Variants in SSH1 observed in about 807,000 individuals in gnomAD.
SSH1 encodes the protein slingshot protein phosphatase 1, also known as protein phosphatase Slingshot homolog 1.
Under a neutral mutation model 79.7 loss-of-function variants are expected in SSH1, and 43 were observed. That is an observed-to-expected ratio of 0.54 (90% CI 0.42 to 0.70). The LOEUF (loss-of-function observed/expected upper bound fraction) is 0.70. Ranked by LOEUF, SSH1 falls within the 30% of genes least tolerant of loss-of-function variation. The probability of loss-of-function intolerance (pLI) is 0.00; values close to 1 mark genes in which losing one functional copy is unlikely to be tolerated. For missense variants in SSH1, 1,206 were observed against 1,358.8 expected, an observed-to-expected ratio of 0.89 and a Z score of 1.77; for synonymous variants, 599 against 538.3, an observed-to-expected ratio of 1.11 and a Z score of -1.56.
At position 108,786,057 on chromosome 12, in the gene SSH1, A is replaced by C. The variant is rs569989289; in HGVS notation, c.*1931T>G. ...AGTCCTGGAGGGAGGATTTTTGCAAAAACTGTGCTCACTAGGTAAAATATG... is the reference window on the plus strand; with the variant it reads ...AGTCCTGGAGGGAGGATTTTTGCAACAACTGTGCTCACTAGGTAAAATATG... On this transcript the variant is annotated 3_prime_UTR_variant, in exon 15 of 15. Transcript: ENST00000326495. The C allele has an allele frequency of 2.0e-5, 3 of 152,290 alleles. No homozygotes were observed. In the South Asian group the frequency reaches 6.2e-4, roughly 32 times the overall value. The allele number at this position is 152,290 out of a possible 1,614,324, so 9.4% of individuals were successfully genotyped here.
chr12:108,795,228 A>C (rs932218819), intron 13 of SSH1, among the ~76,000 whole-genome samples: 12 of 152,048 alleles, frequency 7.9e-5, no homozygotes, highest in Non-Finnish European at 5.9e-5. Context: ...TGCAAACCTC[A>C]CAGCAGCTCT....
Position 108,817,124 on chromosome 12 carries a change from G to A in SSH1, c.315C>T (p.Val105=). ...VRLESAWADR[V]RYMVVVYSSG... is the part of the protein sequence containing the mutation. ...TGCTGTACACCACCACCATGTACCG[G>A]ACCCGGTCCGCCCAGGCGCTCTCCA... Residue 105 remains valine (V), a synonymous_variant, in exon 5 of 15, where the codon GTC becomes GTT. Coordinates refer to ENST00000326495, the MANE Select transcript of SSH1 (RefSeq NM_018984.4). 6.2e-7 allele frequency: 1 copy of A among 1,614,142 alleles called. No homozygotes were observed. Among genetic ancestry groups the A allele is most frequent in the Non-Finnish European group, 8.5e-7 (1 of 1,180,026 alleles).
chr12:108,841,938 G>A (rs2038789071), intron 2 of SSH1, among the ~76,000 whole-genome samples: 1 of 152,094 alleles, frequency 6.6e-6, no homozygotes, highest in South Asian at 2.1e-4. Context: ...GAGTCCAGGA[G>A]TTCAAGATCA....
intron 13 of SSH1, among the ~76,000 whole-genome samples, chr12:108,793,093 C>T (rs540947717): frequency 2.6e-5 from 4 of 152,142 alleles, no homozygotes; most frequent in African/African-American, 9.7e-5. Flanking sequence ...GGAAGGAACG[C>T]GGGGGCGTCT....
At chr12:108,852,387 C>G (rs2039059962) in intron 2 of SSH1, among the ~76,000 whole-genome samples, 1 of 151,836 alleles carries the variant, frequency 6.6e-6, no homozygotes, top group African/African-American at 2.4e-5. Context: ...CACTACCACG[C>G]CCGGTTAATT....
intron 2 of SSH1, chr12:108,827,493 C>T: frequency 7.7e-7 from 1 of 1,295,748 alleles, no homozygotes; most frequent in Non-Finnish European, 9.8e-7. Context: ...AGAGTCCTAC[C>T]CGAAAAGCAA....
chr12:108,831,571 C>T (rs1170732593), intron 2 of SSH1, among the ~76,000 whole-genome samples: 1 of 152,006 alleles, frequency 6.6e-6, no homozygotes, highest in Non-Finnish European at 1.5e-5. Flanking sequence ...GCAAGTTCCA[C>T]GGTGGAAGGA....
chr12:108,801,288 A>T (rs2036990953), intron 11 of SSH1, among the ~76,000 whole-genome samples: 1 of 152,230 alleles, frequency 6.6e-6, no homozygotes, highest in Non-Finnish European at 1.5e-5. Flanking sequence ...CTTCACTCTT[A>T]AAGAGCTAAA....
chr12:108,793,627 C>T (rs2036609692), intron 13 of SSH1, among the ~76,000 whole-genome samples: 1 of 152,028 alleles, frequency 6.6e-6, no homozygotes, highest in African/African-American at 2.4e-5. Context: ...TACTCCTGGT[C>T]TCAAGCGATC....
At chr12:108,804,554 C>T (rs143028316) in intron 10 of SSH1, among the ~76,000 whole-genome samples, 15 of 152,192 alleles carry the variant, frequency 9.9e-5, no homozygotes, top group African/African-American at 3.1e-4. Context: ...GCCCTGGAGC[C>T]GTGCATGGAA....
intron 5 of SSH1, among the ~76,000 whole-genome samples, chr12:108,814,887 G>A (rs903378297): frequency 2.0e-5 from 3 of 152,206 alleles, no homozygotes; most frequent in Non-Finnish European, 2.9e-5. Flanking sequence ...GAGCGCACGG[G>A]CCAGTCTCCT....
intron 2 of SSH1, among the ~76,000 whole-genome samples, chr12:108,840,492 C>T (rs2375017): frequency 4.6e-5 from 7 of 151,714 alleles, no homozygotes; most frequent in African/African-American, 7.3e-5. Context: ...GAGATCGTGC[C>T]ACTGCACTCT....
intron 5 of SSH1, among the ~76,000 whole-genome samples, chr12:108,815,688 C>T (rs2037851631): frequency 6.6e-6 from 1 of 152,206 alleles, no homozygotes; most frequent in South Asian, 2.1e-4. Context: ...AGTGGCTCTT[C>T]AGAGCTCACA....
chr12:108,847,926 G>A lies in SSH1; in HGVS notation c.110+4712C>T, dbSNP rs542820790. Among the ~76,000 whole-genome samples the A allele has an allele frequency of 2.0e-5, 3 of 152,326 alleles. No individual in the cohort carries two copies. In the East Asian group the frequency reaches 5.8e-4, roughly 29 times the overall value. The stretch of plus-strand genomic sequence containing the variant: ...GCTCCCTGCTTTCTCTGAAGAGAGG[G>A]AAATCACAAATATCTGGGGCAGGCG... On this transcript the variant is annotated intron_variant, in intron 2 of 14. Transcript: ENST00000326495.
chr12:108,812,365 G>A (rs1384138335), intron 5 of SSH1, among the ~76,000 whole-genome samples: 4 of 152,228 alleles, frequency 2.6e-5, no homozygotes, highest in African/African-American at 7.2e-5. Flanking sequence ...GCCCAAATCC[G>A]ACAGGCAGAA....
chr12:108,841,651 T>C (rs997642137), intron 2 of SSH1, among the ~76,000 whole-genome samples: 7 of 151,490 alleles, frequency 4.6e-5, no homozygotes, highest in African/African-American at 1.7e-4. Context: ...CTACTAAAAA[T>C]ACGAAAAATT....
intron 2 of SSH1, among the ~76,000 whole-genome samples, chr12:108,831,715 T>G (rs2038478952): frequency 6.6e-6 from 1 of 152,210 alleles, no homozygotes; most frequent in Non-Finnish European, 1.5e-5. Flanking sequence ...TTATGCTACA[T>G]GTACCTTATT....
At chr12:108,820,863 C>T (rs1200102621) in intron 3 of SSH1, among the ~76,000 whole-genome samples, 11 of 152,338 alleles carry the variant, frequency 7.2e-5, no homozygotes, top group African/African-American at 2.4e-4. Context: ...GGACAGCTGG[C>T]GGCCCCTCTG....
chr12:108,846,615 G>T (rs1306829217), intron 2 of SSH1, among the ~76,000 whole-genome samples: 2 of 152,248 alleles, frequency 1.3e-5, no homozygotes, highest in African/African-American at 4.8e-5. Flanking sequence ...CAGTTCTTGA[G>T]ACACTTCCCA....
Sources: gnomAD v4.1 joint callset for allele counts (sites outside exome capture counted in the v4.1 genomes callset) on GRCh38, gnomAD v4.1.1 for gene constraint, MANE v1.5 for transcripts, NCBI Gene and HGNC (gene_info 2026-07-23, HGNC 2026-07-21) for gene names.